FAF1: variants seen among roughly 807,000 people sequenced by gnomAD.
The protein encoded by FAF1 is FAS-associated factor 1.
A neutral mutation model predicts 92.5 loss-of-function variants in FAF1; 25 were observed. That is an observed-to-expected ratio of 0.27 (90% CI 0.20 to 0.38). The LOEUF (loss-of-function observed/expected upper bound fraction) is 0.38. Among genes scored for constraint, FAF1 ranks in the 10% least tolerant of loss-of-function variants. The pLI, the probability that FAF1 is intolerant of heterozygous loss-of-function variation, is 1.00. For synonymous variants in FAF1, 234 were observed against 273.2 expected (o/e 0.86, Z 1.42); for missense variants, 636 against 793.3 (o/e 0.80, Z 2.38).
At chr1:50,838,281 G>C (rs962601866) in intron 2 of FAF1, among the ~76,000 whole-genome samples, 3 of 151,794 alleles carry the variant, frequency 2.0e-5, no homozygotes, top group Non-Finnish European at 2.9e-5. Flanking sequence ...TTCATCAACT[G>C]ATATTTTCAA....
chr1:50,877,485 G>GA (rs1221782937), intron 1 of FAF1, among the ~76,000 whole-genome samples: 5 of 151,968 alleles, frequency 3.3e-5, no homozygotes, highest in African/African-American at 1.2e-4. Flanking sequence ...TCCTGGAACA[G>GA]AAAAGAACAT....
intron 1 of FAF1, among the ~76,000 whole-genome samples, chr1:50,917,846 A>G (rs1644932140): frequency 6.6e-6 from 1 of 152,236 alleles, no homozygotes; most frequent in African/African-American, 2.4e-5. Context: ...AATGTTCGCA[A>G]TACATTTATC....
chr1:50,820,437 T>A (rs1016678278), intron 2 of FAF1, among the ~76,000 whole-genome samples: 1 of 152,278 alleles, frequency 6.6e-6, no homozygotes, highest in African/African-American at 2.4e-5. Flanking sequence ...CATAATCAAA[T>A]TAAGCAACAC....
chr1:50,524,228 A>G (rs1647668219), intron 15 of FAF1, among the ~76,000 whole-genome samples: 1 of 152,144 alleles, frequency 6.6e-6, no homozygotes, highest in Non-Finnish European at 1.5e-5. Flanking sequence ...CCCTTTGGCC[A>G]CTTCTTAATG....
intron 18 of FAF1, among the ~76,000 whole-genome samples, chr1:50,466,042 A>T (rs1460815344): frequency 1.6e-5 from 2 of 126,958 alleles, no homozygotes; most frequent in Non-Finnish European, 3.6e-5. Flanking sequence ...TTGCCTTATT[A>T]AAAAAAAATC....
chr1:50,940,014 A>G (rs1418096657), intron 1 of FAF1, among the ~76,000 whole-genome samples: 1 of 152,106 alleles, frequency 6.6e-6, no homozygotes, highest in Non-Finnish European at 1.5e-5. Flanking sequence ...GGGTTCAAGT[A>G]ATTCTCGTGC....
intron 4 of FAF1, among the ~76,000 whole-genome samples, chr1:50,785,469 G>T (rs1177075247): frequency 6.6e-6 from 1 of 151,754 alleles, no homozygotes; most frequent in African/African-American, 2.4e-5. Context: ...ATGGACAAAG[G>T]ACTTGAATAG....
chr1:50,945,532 G>C (rs1645166960), intron 1 of FAF1, among the ~76,000 whole-genome samples: 1 of 152,152 alleles, frequency 6.6e-6, no homozygotes, highest in South Asian at 2.1e-4. Flanking sequence ...TATGATAGTT[G>C]ATATTCGTCA....
At chr1:50,676,807 G>A (rs547257728) in intron 7 of FAF1, among the ~76,000 whole-genome samples, 16 of 152,282 alleles carry the variant, frequency 1.1e-4, no homozygotes, top group Non-Finnish European at 2.2e-4. Flanking sequence ...GGGCAAAAGA[G>A]CGAGACTCCA....
chr1:50,540,844 A>T (rs1166778858), intron 13 of FAF1, among the ~76,000 whole-genome samples: 2 of 152,226 alleles, frequency 1.3e-5, no homozygotes, highest in East Asian at 3.8e-4. Context: ...AGGTCACAAA[A>T]GGCAAAACAG....
chr1:50,847,287 A>C (rs1644309571), intron 2 of FAF1, among the ~76,000 whole-genome samples: 1 of 152,152 alleles, frequency 6.6e-6, no homozygotes, highest in African/African-American at 2.4e-5. Flanking sequence ...ACAGACTGAG[A>C]TAGGACACAG....
chr1:50,666,451 C>T (rs1347588941), intron 7 of FAF1, among the ~76,000 whole-genome samples: 2 of 152,036 alleles, frequency 1.3e-5, no homozygotes, highest in Non-Finnish European at 2.9e-5. Context: ...AAGCAATCCT[C>T]CCACCTCAGC....
At chr1:50,814,169 AGG>A (rs1464401967) in intron 2 of FAF1, among the ~76,000 whole-genome samples, 4 of 152,204 alleles carry the variant, frequency 2.6e-5, no homozygotes, top group African/African-American at 9.6e-5. Flanking sequence ...ACCACCAATA[AGG>A]GAAGACAACT....
chr1:50,911,308 G>C (rs1238963219), intron 1 of FAF1, among the ~76,000 whole-genome samples: 3 of 151,336 alleles, frequency 2.0e-5, no homozygotes, highest in Non-Finnish European at 4.4e-5. Context: ...CTGACCTCAA[G>C]TGATCTGCCT....
chr1:50,722,124 A>C (rs1658435065), intron 6 of FAF1, among the ~76,000 whole-genome samples: 1 of 152,232 alleles, frequency 6.6e-6, no homozygotes, highest in African/African-American at 2.4e-5. Context: ...CCCCACTGGC[A>C]ATTGCTCATC....
chr1:50,654,982 TTTTTTGAGATGGAG>T (rs1397583922), intron 8 of FAF1, among the ~76,000 whole-genome samples: 1 of 151,654 alleles, frequency 6.6e-6, no homozygotes, highest in Non-Finnish European at 1.5e-5. Flanking sequence ...TTTTTTTTTT[TTTTTTGAGATGGAG>T]TTTCGCTTTT....
rs112618522 is a variant in FAF1, at chr1:50,735,600, T to G, written c.551+3263A>C. Reference sequence around the variant, plus strand: ...GTAAAATCAAGTTAAGAAGTTTTTTTGTTTTCTTGTTTTTTAACAGGACAT... The same window carrying G: ...GTAAAATCAAGTTAAGAAGTTTTTTGGTTTTCTTGTTTTTTAACAGGACAT... On this transcript the variant is annotated intron_variant, in intron 6 of 18. Transcript: ENST00000396153. Among the ~76,000 whole-genome samples, 772 of 152,360 alleles carry G rather than the reference T, an allele frequency of 5.1e-3. 6 individuals carry two copies. Among genetic ancestry groups the G allele is most frequent in the Non-Finnish European group, 7.5e-3 (509 of 68,034 alleles).
At chr1:50,957,596 G>A (rs1488993541) in intron 1 of FAF1, among the ~76,000 whole-genome samples, 2 of 151,594 alleles carry the variant, frequency 1.3e-5, no homozygotes, top group Non-Finnish European at 2.9e-5. Context: ...CTCGTGATCC[G>A]CCCCCTCAGC....
intron 6 of FAF1, among the ~76,000 whole-genome samples, chr1:50,736,723 C>CT (rs1360080730): frequency 6.6e-6 from 1 of 151,710 alleles, no homozygotes; most frequent in Non-Finnish European, 1.5e-5. Flanking sequence ...TGTACTCCAG[C>CT]CTGGGCAACA....
Sources: allele counts gnomAD v4.1 joint callset (sites outside exome capture counted in the v4.1 genomes callset), GRCh38; gene constraint gnomAD v4.1.1; transcripts MANE v1.5; gene names NCBI Gene and HGNC (gene_info 2026-07-23, HGNC 2026-07-21).